MTFR1: variants seen among roughly 807,000 people sequenced by gnomAD.
MTFR1 encodes chondrocyte protein with a poly-proline region.
In MTFR1, 28 loss-of-function variants were observed where a neutral mutation model predicts 38.8. The observed-to-expected ratio is 0.72, with a 90% CI of 0.53 to 0.99. The LOEUF (loss-of-function observed/expected upper bound fraction) is 0.99, where lower values mean the gene tolerates loss of function less well. Ranked by LOEUF, MTFR1 falls within the 50% of genes least tolerant of loss-of-function variation. The pLI, the probability that MTFR1 is intolerant of heterozygous loss-of-function variation, is 0.00. For missense variants in MTFR1, 358 were observed against 395.5 expected (o/e 0.91, Z 0.81); for synonymous variants, 145 against 137.0 (o/e 1.06, Z -0.41).
chr8:65,681,363 G>A (rs535590932), intron 2 of MTFR1, among the ~76,000 whole-genome samples: 2 of 152,014 alleles, frequency 1.3e-5, no homozygotes, highest in Admixed American at 1.3e-4. Context: ...CAGGTGATCC[G>A]CCCATTTTGG....
downstream of MTFR1, among the ~76,000 whole-genome samples, chr8:65,711,010 G>T (rs1805929445): frequency 6.6e-6 from 1 of 152,154 alleles, no homozygotes; most frequent in Non-Finnish European, 1.5e-5. Context: ...GAGAGAGAGA[G>T]AGAGAATACA....
chr8:65,677,282 C>T (rs1356478166), intron 2 of MTFR1, among the ~76,000 whole-genome samples: 1 of 150,734 alleles, frequency 6.6e-6, no homozygotes, highest in Non-Finnish European at 1.5e-5. Flanking sequence ...ATTGGCCAGG[C>T]TGGTCTCGAA....
intron 3 of MTFR1, chr8:65,722,734 C>T (rs772344923): frequency 1.1e-4 from 17 of 152,186 alleles, no homozygotes; most frequent in Non-Finnish European, 1.0e-4. Flanking sequence ...TTAGTTCACT[C>T]AACACACAGT....
In MTFR1 at chr8:65,769,247, C is replaced by CAAA. The variant is rs61554087; in HGVS notation, c.*49-1680_*49-1678dup. On this transcript the variant is annotated intron_variant, in intron 3 of 3. Coordinates refer to the MTFR1 transcript ENST00000521247. The stretch of plus-strand genomic sequence containing the variant: ...TAGGTGACAGAGCAAGACTCAGTCT[C>CAAA]AAAAAAAAAAAAAAAAAAAAAAGTA... 9.5e-3 allele frequency among the ~76,000 whole-genome samples: 705 copies of CAAA among 74,414 alleles called. 9 individuals carry two copies. Among genetic ancestry groups the CAAA allele is most frequent in the South Asian group, 0.022 (42 of 1,930 alleles). The allele number at this position is 74,414 out of a possible 152,430, so 48.8% of individuals were successfully genotyped here.
chr8:65,684,732 T>C (rs1174345826), intron 3 of MTFR1, among the ~76,000 whole-genome samples: 1 of 151,802 alleles, frequency 6.6e-6, no homozygotes, highest in African/African-American at 2.4e-5. Flanking sequence ...GTGTTTTGTC[T>C]TGTGGCCAAC....
chr8:65,703,595 A>G (rs1248682529), intron 4 of MTFR1, among the ~76,000 whole-genome samples: 1 of 151,486 alleles, frequency 6.6e-6, no homozygotes, highest in African/African-American at 2.4e-5. Flanking sequence ...CACCATACTC[A>G]GCTAATTCTT....
At chr8:65,665,274 C>T (rs1292378334) in intron 1 of MTFR1, among the ~76,000 whole-genome samples, 1 of 152,116 alleles carries the variant, frequency 6.6e-6, no homozygotes, top group Non-Finnish European at 1.5e-5. Flanking sequence ...ACCATCCTTT[C>T]TCCTTGCCTG....
intron 3 of MTFR1, among the ~76,000 whole-genome samples, chr8:65,741,739 A>G (rs1807446035): frequency 6.6e-6 from 1 of 152,264 alleles, no homozygotes; most frequent in Admixed American, 6.5e-5. Flanking sequence ...ATCTTCGAGT[A>G]TATAAATATT....
chr8:65,720,791 C>T (rs948137427), intron 3 of MTFR1, among the ~76,000 whole-genome samples: 2 of 152,172 alleles, frequency 1.3e-5, no homozygotes, highest in African/African-American at 4.8e-5. Flanking sequence ...TCATTATAGT[C>T]AAAGCACACA....
rs374804223 is a variant in MTFR1, at chr8:65,661,270, T to A, written c.-80-8603T>A. Among the ~76,000 whole-genome samples, 11 of 152,330 alleles carry A rather than the reference T, an allele frequency of 7.2e-5. No individual in the cohort carries two copies. In the South Asian group the frequency reaches 2.3e-3, roughly 32 times the overall value. On this transcript the variant is annotated intron_variant, in intron 1 of 7. Transcript: ENST00000262146. ...ATCCATTGGAATAAATGCACCACTC[T>A]TGTGTGGGATATTGATAGTGGGAAG...
intron 2 of MTFR1, among the ~76,000 whole-genome samples, chr8:65,681,424 A>G (rs539885033): frequency 8.6e-4 from 131 of 152,332 alleles, no homozygotes; most frequent in African/African-American, 2.8e-3. Context: ...CTGGCCTTAC[A>G]TAACTGAATG....
chr8:65,733,602 CTG>C (rs2128896734), intron 3 of MTFR1, among the ~76,000 whole-genome samples: 1 of 152,102 alleles, frequency 6.6e-6, no homozygotes, highest in East Asian at 1.9e-4. Flanking sequence ...CCTGGCAACA[CTG>C]TGAAACCCTG....
intron 4 of MTFR1, among the ~76,000 whole-genome samples, chr8:65,701,933 G>A (rs1805621201): frequency 6.6e-6 from 1 of 152,150 alleles, no homozygotes; most frequent in Non-Finnish European, 1.5e-5. Context: ...GATGTTACTG[G>A]TTTCTATTTT....
At chr8:65,647,731 T>A (rs1808998764) in intron 1 of MTFR1, among the ~76,000 whole-genome samples, 1 of 152,136 alleles carries the variant, frequency 6.6e-6, no homozygotes, top group South Asian at 2.1e-4. Context: ...TGGTAATTAC[T>A]GCCCAGCTAC....
At position 65,704,838 on chromosome 8, in the gene MTFR1, G is replaced by T; in HGVS notation, c.426G>T (p.Gln142His). 1 of 1,614,138 alleles carries T rather than the reference G, an allele frequency of 6.2e-7. No homozygotes were observed. Among genetic ancestry groups the T allele is most frequent in the Non-Finnish European group, 8.5e-7 (1 of 1,180,016 alleles). Residue 142 changes from glutamine (Q) to histidine (H), a missense_variant, in exon 5 of 8, where the codon CAG becomes CAT. Transcript: ENST00000262146. ...TPALANEEAL[Q>H]KICALENELA... ...CGCTGGCAAATGAGGAAGCACTGCA[G>T]AAGATTTGCGCTCTCGAAAATGAAC...
At position 65,667,685 on chromosome 8, in the gene MTFR1, C is replaced by T. The variant is rs145194040; in HGVS notation, c.-80-2188C>T. On this transcript the variant is annotated intron_variant, in intron 1 of 7. Transcript: ENST00000262146. ...TCAGGCAATCTTCCTGCCTTGGCCTCCAGAGTGTTGGAATTACAGGTGTGA... is the reference window on the plus strand; with the variant it reads ...TCAGGCAATCTTCCTGCCTTGGCCTTCAGAGTGTTGGAATTACAGGTGTGA... Among the ~76,000 whole-genome samples the T allele has an allele frequency of 3.7e-3, 569 of 152,236 alleles. 4 individuals are homozygous for T. Among genetic ancestry groups the T allele is most frequent in the African/African-American group, 0.013 (548 of 41,532 alleles).
intron 3 of MTFR1, chr8:65,721,668 T>C (rs1806381863): frequency 6.6e-6 from 1 of 152,208 alleles, no homozygotes; most frequent in Non-Finnish European, 1.5e-5. Context: ...ATTACAATGT[T>C]TTAAATCTCA....
downstream of MTFR1, among the ~76,000 whole-genome samples, chr8:65,712,360 G>T (rs1274265318): frequency 6.6e-6 from 1 of 152,268 alleles, no homozygotes; most frequent in Non-Finnish European, 1.5e-5. Flanking sequence ...GTAATGTAGA[G>T]ACTGCTCTGT....
chr8:65,777,605 C>T, the MTFR1 span, among the ~76,000 whole-genome samples: 1 of 152,152 alleles, frequency 6.6e-6, no homozygotes, highest in Non-Finnish European at 1.5e-5. Flanking sequence ...ATCAAGATTA[C>T]ATGCTAGCCT....
Sources: allele counts gnomAD v4.1 joint callset (sites outside exome capture counted in the v4.1 genomes callset), GRCh38; gene constraint gnomAD v4.1.1; transcripts MANE v1.5; gene names NCBI Gene and HGNC (gene_info 2026-07-23, HGNC 2026-07-21).